CCDC77: variants seen among roughly 807,000 people sequenced by gnomAD.
CCDC77 encodes the protein coiled-coil domain containing 77, also known as coiled-coil domain-containing protein 77.
In CCDC77, 56 loss-of-function variants were observed where a neutral mutation model predicts 66.8. That is an observed-to-expected ratio of 0.84 (90% CI 0.68 to 1.05). CCDC77 has a LOEUF of 1.05. Among genes scored for constraint, CCDC77 ranks in the 50% least tolerant of loss-of-function variants. The pLI, the probability that CCDC77 is intolerant of heterozygous loss-of-function variation, is 0.00. For synonymous variants in CCDC77, 196 were observed against 195.2 expected (o/e 1.00, Z -0.03); for missense variants, 570 against 576.8 (o/e 0.99, Z 0.12).
intron 1 of CCDC77, among the ~76,000 whole-genome samples, chr12:391,958 T>A (rs1264562322): frequency 6.6e-6 from 1 of 152,200 alleles, no homozygotes; most frequent in African/African-American, 2.4e-5. Flanking sequence ...GGGGGGCACA[T>A]GAACCCCACT....
At chr12:413,667 G>A (rs541229169) in intron 4 of CCDC77, among the ~76,000 whole-genome samples, 23 of 138,224 alleles carry the variant, frequency 1.7e-4, no homozygotes, top group African/African-American at 1.7e-4. Flanking sequence ...TCGCTCTGTC[G>A]CCCAGGCTGG....
chr12:417,069 G>T (rs567172210), intron 4 of CCDC77, among the ~76,000 whole-genome samples: 7 of 147,454 alleles, frequency 4.7e-5, no homozygotes, highest in African/African-American at 1.5e-4. Flanking sequence ...GGAGGTGGAG[G>T]TTGCAGTGAG....
At chr12:423,021 A>G (rs140321735) in intron 5 of CCDC77, among the ~76,000 whole-genome samples, 61 of 149,276 alleles carry the variant, frequency 4.1e-4, no homozygotes, top group Admixed American at 7.4e-4. Flanking sequence ...TAGTGTTTAT[A>G]CCATTTTATA....
intron 9 of CCDC77, among the ~76,000 whole-genome samples, chr12:435,751 C>G (rs1945738105): frequency 6.6e-6 from 1 of 152,084 alleles, no homozygotes; most frequent in South Asian, 2.1e-4. Context: ...TTCATTTTTT[C>G]CAGTAAAGAC....
chr12:440,635 G>C lies in CCDC77; in HGVS notation c.1060G>C (p.Val354Leu). 6.2e-7 allele frequency: 1 copy of C among 1,614,094 alleles called. No individual in the cohort carries two copies. The highest frequency in any genetic ancestry group is 8.5e-7 in the Non-Finnish European group (1 of 1,180,016). Residue 354 changes from valine (V) to leucine (L), a missense_variant, in exon 11 of 13, where the codon GTA (valine) becomes CTA (leucine). Physicochemically the swap from Val to Leu is conservative, Grantham distance 32. Transcript: ENST00000239830. ...EYIKSLKDKL[V>L]QEKKLSNMYQ... The stretch of plus-strand genomic sequence containing the variant: ...CTTGTAGTCCCTAAAAGATAAGTTA[G>C]TACAAGAGAAAAAGCTGTCCAATAT...
intron 4 of CCDC77, 49 bp from the exon 5 acceptor site, chr12:418,445 C>G (rs753569746): frequency 1.3e-6 from 2 of 1,575,874 alleles, no homozygotes; most frequent in Admixed American, 1.7e-5. Flanking sequence ...GAGAGATACT[C>G]CATTGAAACC....
At chr12:409,566 GGGTGCAGT>G in intron 3 of CCDC77, 145 bp downstream of exon 3, 2 of 711,232 alleles carry the variant, frequency 2.8e-6, no homozygotes, top group Non-Finnish European at 4.8e-6. Flanking sequence ...GCCCAGGATG[GGGTGCAGT>G]GGTGCAATCA....
intron 4 of CCDC77, among the ~76,000 whole-genome samples, chr12:417,445 C>T (rs1945307251): frequency 6.6e-6 from 1 of 152,158 alleles, no homozygotes; most frequent in South Asian, 2.1e-4. Context: ...TTATTCCTGC[C>T]ACGCTTTCCC....
chr12:404,721 CTT>C (rs141950603), intron 1 of CCDC77, among the ~76,000 whole-genome samples: 47 of 137,526 alleles, frequency 3.4e-4, no homozygotes, highest in Non-Finnish European at 3.5e-4. Flanking sequence ...CTTCAAATTA[CTT>C]TTTTTTTTTT....
chr12:415,538 A>C (rs561987968), intron 4 of CCDC77, among the ~76,000 whole-genome samples: 13 of 143,106 alleles, frequency 9.1e-5, no homozygotes, highest in East Asian at 2.2e-4. Context: ...TTATTAACAT[A>C]ATAATATGTT....
chr12:426,752 C>T (rs532746777), intron 5 of CCDC77, among the ~76,000 whole-genome samples: 2 of 152,248 alleles, frequency 1.3e-5, no homozygotes, highest in African/African-American at 4.8e-5. Flanking sequence ...TGATGCTTCA[C>T]GTTATCTGGT....
intron 10 of CCDC77, among the ~76,000 whole-genome samples, chr12:439,470 A>C (rs1389094207): frequency 6.6e-6 from 1 of 150,840 alleles, no homozygotes; most frequent in South Asian, 2.1e-4. Flanking sequence ...CAGTGAGCTG[A>C]GATCATGCGA....
upstream of CCDC77, among the ~76,000 whole-genome samples, chr12:400,689 G>A (rs951107892): frequency 6.6e-6 from 1 of 152,108 alleles, no homozygotes; most frequent in African/African-American, 2.4e-5. Flanking sequence ...GGTTCATGGT[G>A]CCCCTAAACA....
At chr12:413,200 A>G (rs1469439794) in intron 4 of CCDC77, among the ~76,000 whole-genome samples, 4 of 148,278 alleles carry the variant, frequency 2.7e-5, no homozygotes, top group African/African-American at 1.0e-4. Context: ...GGCCTCCCAA[A>G]GTGCTGGGAT....
upstream of CCDC77, among the ~76,000 whole-genome samples, chr12:397,991 T>G (rs1055030892): frequency 6.6e-5 from 10 of 152,094 alleles, no homozygotes; most frequent in African/African-American, 2.4e-4. Flanking sequence ...CTAAGCCAAG[T>G]CATAATATTT....
At chr12:434,728 G>A (rs1455012438) in intron 9 of CCDC77, among the ~76,000 whole-genome samples, 1 of 152,148 alleles carries the variant, frequency 6.6e-6, no homozygotes, top group African/African-American at 2.4e-5. Flanking sequence ...TGCATGTTTG[G>A]CATCACTGAT....
Position 411,955 on chromosome 12 carries a change from T to C in CCDC77, c.247T>C (p.Tyr83His), listed in dbSNP as rs1945119863. The stretch of plus-strand genomic sequence containing the variant: ...GGACTTGCTGAAGAAACTGGAACTC[T>C]ACAAAGAAGCTTGTGAAGGACAGGT... ...NEDLLKKLEL[Y>H]KEACEGQHKL... is the part of the protein sequence containing the mutation. Residue 83 changes from tyrosine to histidine, a missense_variant, in exon 4 of 13, where the codon TAC (tyrosine) becomes CAC (histidine). By Grantham distance (83) the Tyr-to-His change is moderately conservative. Coordinates refer to ENST00000239830, the MANE Select transcript of CCDC77 (RefSeq NM_032358.4). 1 of 1,613,610 alleles carries C rather than the reference T, an allele frequency of 6.2e-7. No individual in the cohort carries two copies. Among genetic ancestry groups the C allele is most frequent in the Non-Finnish European group, 8.5e-7 (1 of 1,179,760 alleles).
intron 3 of CCDC77, among the ~76,000 whole-genome samples, chr12:411,222 G>A (rs1402101780): frequency 6.6e-6 from 1 of 151,574 alleles, no homozygotes; most frequent in Non-Finnish European, 1.5e-5. Flanking sequence ...TCGCCAGGCT[G>A]GAGTGCAATG....
chr12:423,501 T>TTTTTTTTTG (rs1945471767), intron 5 of CCDC77, among the ~76,000 whole-genome samples: 1 of 103,138 alleles, frequency 9.7e-6, no homozygotes, highest in Non-Finnish European at 1.9e-5. Context: ...TTTGTTTTTT[T>TTTTTTTTTG]TTTTTTTTTT....
Sources: allele counts gnomAD v4.1 joint callset (sites outside exome capture counted in the v4.1 genomes callset), GRCh38; gene constraint gnomAD v4.1.1; transcripts MANE v1.5; gene names NCBI Gene and HGNC (gene_info 2026-07-23, HGNC 2026-07-21).